Variants in HSF5 observed in about 807,000 individuals in gnomAD.
HSF5 encodes heat shock transcription factor 5, also known as heat shock factor protein 5.
HSF5 carries 5 observed loss-of-function variants against 50.8 expected under a neutral mutation model. The ratio of observed to expected loss-of-function variants is 0.10; its 90% CI spans 0.05 to 0.21. The LOEUF is 0.21. Ranked by LOEUF, HSF5 falls within the 10% of genes least tolerant of loss-of-function variation. The pLI is 1.00. For missense variants in HSF5, 564 were observed against 762.6 expected (o/e 0.74, Z 3.07); for synonymous variants, 307 against 307.4 (o/e 1.00, Z 0.02).
chr17:58,461,580 T>C (rs982730642), intron 4 of HSF5, among the ~76,000 whole-genome samples: 3 of 151,788 alleles, frequency 2.0e-5, no homozygotes, highest in Non-Finnish European at 2.9e-5. Context: ...AAAAAAAGAT[T>C]TTAATTTGGG....
intron 5 of HSF5, among the ~76,000 whole-genome samples, chr17:58,427,182 G>T (rs762821131): frequency 2.0e-5 from 3 of 152,130 alleles, no homozygotes; most frequent in Non-Finnish European, 4.4e-5. Flanking sequence ...CAGGAGGATA[G>T]CTTGAGCCCA....
At chr17:58,479,203 T>G (rs185323963) in intron 2 of HSF5, among the ~76,000 whole-genome samples, 25 of 152,042 alleles carry the variant, frequency 1.6e-4, no homozygotes, top group African/African-American at 6.0e-4. Flanking sequence ...TATGAGGTAA[T>G]CTCACCTTAA....
chr17:58,441,376 A>G (rs1319603897), intron 5 of HSF5, among the ~76,000 whole-genome samples: 1 of 152,222 alleles, frequency 6.6e-6, no homozygotes, highest in Non-Finnish European at 1.5e-5. Flanking sequence ...AGCGATGTTT[A>G]AAGGGAAATG....
chr17:58,478,441 C>T (rs1219519033), intron 2 of HSF5, among the ~76,000 whole-genome samples: 5 of 135,572 alleles, frequency 3.7e-5, no homozygotes, highest in African/African-American at 1.4e-4. Context: ...TGCACTACTG[C>T]ATTCCAGCCT....
At chr17:58,441,852 G>A (rs923182500) in intron 5 of HSF5, among the ~76,000 whole-genome samples, 1 of 152,224 alleles carries the variant, frequency 6.6e-6, no homozygotes, top group African/African-American at 2.4e-5. Context: ...GTGAAACAGC[G>A]ACTGTTGTAT....
At chr17:58,478,003 C>T (rs1975040611) in intron 2 of HSF5, among the ~76,000 whole-genome samples, 1 of 151,932 alleles carries the variant, frequency 6.6e-6, no homozygotes. Context: ...TTCTGGAATG[C>T]CCCCTTTCTT....
rs182825320 is a variant in HSF5, at chr17:58,454,650, T to C, written c.1720+4118A>G. On this transcript the variant is annotated intron_variant, in intron 5 of 5. Transcript: ENST00000323777. ...TTTAGTAAAGTTGCAGGATACAAAA[T>C]CAACTTACAAATATCAGTAGTGTTT... Among the ~76,000 whole-genome samples the C allele has an allele frequency of 1.3e-3, 197 of 152,244 alleles. 2 individuals carry two copies. The highest frequency in any genetic ancestry group is 3.6e-3 in the Admixed American group (55 of 15,294).
chr17:58,472,309 C>G lies in HSF5; in HGVS notation c.926-5330G>C, dbSNP rs563606527. ...AAGCAAGACCCTAGCTGTACCCCCC[C>G]CAAAAAAAGTGTTTTAATTAGCTGG... On this transcript the variant is annotated intron_variant, in intron 2 of 5. Transcript: ENST00000323777. 4.8e-5 allele frequency among the ~76,000 whole-genome samples: 7 copies of G among 145,696 alleles called. No individual in the cohort carries two copies. In the South Asian group the frequency reaches 6.9e-4, roughly 14 times the overall value.
intron 5 of HSF5, among the ~76,000 whole-genome samples, chr17:58,455,089 G>A (rs182353242): frequency 1.1e-4 from 16 of 152,204 alleles, no homozygotes; most frequent in Non-Finnish European, 1.3e-4. Flanking sequence ...CTACCAAAGC[G>A]ATAGTAACCA....
intron 2 of HSF5, among the ~76,000 whole-genome samples, chr17:58,471,754 T>C (rs771922022): frequency 6.6e-6 from 1 of 152,028 alleles, no homozygotes; most frequent in Non-Finnish European, 1.5e-5. Flanking sequence ...CCTGGCCAGA[T>C]ATATATTTTC....
intron 5 of HSF5, among the ~76,000 whole-genome samples, chr17:58,431,897 C>T (rs1307522697): frequency 6.6e-6 from 1 of 152,088 alleles, no homozygotes; most frequent in Non-Finnish European, 1.5e-5. Context: ...GACACAGACA[C>T]AGAAAGTAGA....
intron 5 of HSF5, among the ~76,000 whole-genome samples, chr17:58,430,725 G>A (rs2143730344): frequency 6.6e-6 from 1 of 152,272 alleles, no homozygotes; most frequent in Non-Finnish European, 1.5e-5. Flanking sequence ...AGGGTCTCCA[G>A]CTTACAGACA....
At chr17:58,475,231 TA>T (rs1257529792) in intron 2 of HSF5, among the ~76,000 whole-genome samples, 1 of 152,216 alleles carries the variant, frequency 6.6e-6, no homozygotes, top group East Asian at 1.9e-4. Context: ...GGTTGGATAT[TA>T]ACAGCTAGAA....
rs766187342 is a variant in HSF5 at position 58,488,323 on chromosome 17, C to G, written c.-49G>C. ...CCCCCCGAGCCTAGCTCTCCCACAC[C>G]GTTCTCGATCCCTCCCCGGCCTTCG... is the stretch of plus-strand genomic sequence containing the variant. On this transcript the variant is annotated 5_prime_UTR_variant, in exon 1 of 6. Transcript: ENST00000323777. This position sits in a 1 kb window ranked among gnomAD's most constrained non-coding sequence, Gnocchi z 4.1. The G allele has an allele frequency of 2.8e-6, 4 of 1,406,598 alleles. No individual in the cohort carries two copies. The African/African-American group carries it at 4.5e-5, about 16-fold the overall frequency. The allele number at this position is 1,406,598 out of a possible 1,614,324, so 87.1% of individuals were successfully genotyped here.
chr17:58,437,718 A>G (rs529506734), intron 5 of HSF5, among the ~76,000 whole-genome samples: 1 of 152,282 alleles, frequency 6.6e-6, no homozygotes, highest in Admixed American at 6.5e-5. Flanking sequence ...ATGAACACTT[A>G]CTGTCTTTCC....
intron 2 of HSF5, among the ~76,000 whole-genome samples, chr17:58,479,457 C>T (rs932789075): frequency 6.6e-6 from 1 of 151,996 alleles, no homozygotes; most frequent in Admixed American, 6.6e-5. Context: ...CGCCTGCCAC[C>T]GTGCCTGGCT....
chr17:58,457,527 AG>A (rs1354722516), intron 5 of HSF5, among the ~76,000 whole-genome samples: 3 of 151,418 alleles, frequency 2.0e-5, no homozygotes, highest in Non-Finnish European at 4.4e-5. Context: ...GGAATCTATG[AG>A]GTGGAGGCTG....
chr17:58,466,740 T>A, intron 3 of HSF5, 145 bp downstream of exon 3: 1 of 629,550 alleles, frequency 1.6e-6, no homozygotes, highest in South Asian at 1.7e-5. Context: ...TCTCTTTTTT[T>A]TTTTAAGAAT....
chr17:58,459,350 A>T (rs753860355), intron 4 of HSF5, among the ~76,000 whole-genome samples: 9 of 152,032 alleles, frequency 5.9e-5, no homozygotes, highest in Non-Finnish European at 1.0e-4. Flanking sequence ...GCTAATTTTT[A>T]AAAAGTTTTT....
Sources: allele counts gnomAD v4.1 joint callset (sites outside exome capture counted in the v4.1 genomes callset), GRCh38; gene constraint gnomAD v4.1.1; non-coding constraint Gnocchi (gnomAD v3.1); transcripts MANE v1.5; gene names NCBI Gene and HGNC (gene_info 2026-07-23, HGNC 2026-07-21).